RAPGEF2: variants seen among roughly 807,000 people sequenced by gnomAD.
The protein encoded by RAPGEF2 is PDZ domain containing guanine nucleotide exchange factor (GEF) 1.
In RAPGEF2, 54 loss-of-function variants were observed where a neutral mutation model predicts 186.7. The observed-to-expected ratio is 0.29, with a 90% CI of 0.23 to 0.36. The LOEUF is 0.36. Ranked by LOEUF, RAPGEF2 falls within the 10% of genes least tolerant of loss-of-function variation. RAPGEF2 has a pLI of 1.00. For synonymous variants in RAPGEF2, 712 were observed against 705.9 expected, an observed-to-expected ratio of 1.01 and a Z score of -0.14; for missense variants, 1,532 against 2,045.0, an observed-to-expected ratio of 0.75 and a Z score of 4.84.
intron 24 of RAPGEF2, 64 bp downstream of exon 24, chr4:159,345,393 G>C: frequency 8.2e-6 from 12 of 1,468,604 alleles, no homozygotes; most frequent in Non-Finnish European, 1.1e-5. Context: ...CCTGTGCAGT[G>C]GTATGGGCAG....
chr4:159,124,934 T>TA (rs530509861), intron 1 of RAPGEF2, among the ~76,000 whole-genome samples: 68 of 152,362 alleles, frequency 4.5e-4, no homozygotes, highest in African/African-American at 1.4e-3. Flanking sequence ...TTCCAGATCA[T>TA]ACACTTTTGC....
chr4:159,165,060 A>ATT (rs201053406), intron 1 of RAPGEF2, among the ~76,000 whole-genome samples: 2 of 150,562 alleles, frequency 1.3e-5, no homozygotes, highest in Admixed American at 6.6e-5. Context: ...TTCTTAAAGA[A>ATT]TTTTTTTTTT....
intron 5 of RAPGEF2, among the ~76,000 whole-genome samples, chr4:159,240,803 CA>C: frequency 6.8e-6 from 1 of 146,008 alleles, no homozygotes; most frequent in East Asian, 2.0e-4. Flanking sequence ...AGATTTCCAT[CA>C]GGGTTTTTTT....
At chr4:159,320,543 A>T (rs557168024) in intron 9 of RAPGEF2, among the ~76,000 whole-genome samples, 68 of 152,118 alleles carry the variant, frequency 4.5e-4, no homozygotes, top group Middle Eastern at 3.2e-3. Flanking sequence ...ACACTGTCCT[A>T]TTGGACAGAA....
intron 7 of RAPGEF2, among the ~76,000 whole-genome samples, chr4:159,244,108 GA>G (rs1181521961): frequency 1.3e-5 from 2 of 151,890 alleles, no homozygotes; most frequent in Non-Finnish European, 2.9e-5. Context: ...AAAAAATGAA[GA>G]GAGAAAGGCA....
intron 1 of RAPGEF2, among the ~76,000 whole-genome samples, chr4:159,154,659 G>T (rs1050110183): frequency 2.0e-5 from 3 of 152,178 alleles, no homozygotes; most frequent in Admixed American, 6.5e-5. Context: ...TCTGCTTCTG[G>T]GGATAGGTAG....
chr4:159,166,836 T>C lies in RAPGEF2; in HGVS notation c.70-19806T>C, dbSNP rs940779418. Among the ~76,000 whole-genome samples the C allele has an allele frequency of 3.3e-5, 5 of 152,150 alleles. No homozygotes were observed. The South Asian group carries it at 1.0e-3, about 32-fold the overall frequency. ...GGGTCCAAAAAGGTTTCTCTGAGGATATGAGTTGAGTTGCCCATCAGGATG... is the reference window on the plus strand; with the variant it reads ...GGGTCCAAAAAGGTTTCTCTGAGGACATGAGTTGAGTTGCCCATCAGGATG... On this transcript the variant is annotated intron_variant, in intron 1 of 29. Coordinates refer to ENST00000691494, the MANE Select transcript of RAPGEF2 (RefSeq NM_001394067.2).
chr4:159,261,124 C>A (rs1312518451), intron 7 of RAPGEF2, among the ~76,000 whole-genome samples: 1 of 150,654 alleles, frequency 6.6e-6, no homozygotes, highest in African/African-American at 2.4e-5. Flanking sequence ...TGCAGTGGTG[C>A]AATCTTGGCT....
chr4:159,284,798 A>G (rs910742450), intron 7 of RAPGEF2, among the ~76,000 whole-genome samples: 1 of 152,208 alleles, frequency 6.6e-6, no homozygotes, highest in Non-Finnish European at 1.5e-5. Flanking sequence ...CACGCCTGTA[A>G]TCGCAACCCT....
chr4:159,310,965 T>C (rs994906481), intron 8 of RAPGEF2, among the ~76,000 whole-genome samples: 1 of 151,230 alleles, frequency 6.6e-6, no homozygotes, highest in Non-Finnish European at 1.5e-5. Context: ...GTGGAAAACA[T>C]TTTATTACTG....
At chr4:159,111,493 C>G (rs1226194183) in intron 1 of RAPGEF2, among the ~76,000 whole-genome samples, 2 of 152,240 alleles carry the variant, frequency 1.3e-5, no homozygotes, top group African/African-American at 4.8e-5. Context: ...TGGCACCTTT[C>G]TGTTCTTCTC....
At chr4:159,111,029 AAAC>A (rs1738433239) in intron 1 of RAPGEF2, among the ~76,000 whole-genome samples, 1 of 151,926 alleles carries the variant, frequency 6.6e-6, no homozygotes, top group South Asian at 2.1e-4. Flanking sequence ...GGAAAAAAAA[AAAC>A]CACCCTTGTT....
rs1257991071 is a variant in RAPGEF2 at position 159,200,266 on chromosome 4, G to A, written c.197+7010G>A. On this transcript the variant is annotated intron_variant, in intron 3 of 29. Coordinates refer to ENST00000691494, the MANE Select transcript of RAPGEF2 (RefSeq NM_001394067.2). ...GTGGATCGCTTGAGCCCAGGAGTTCGAGACCAGCCTGGACAAAATGGCACG... is the reference window on the plus strand; with the variant it reads ...GTGGATCGCTTGAGCCCAGGAGTTCAAGACCAGCCTGGACAAAATGGCACG... Among the ~76,000 whole-genome samples the A allele has an allele frequency of 2.0e-5, 3 of 151,960 alleles. 1 individual carries two copies. The highest frequency in any genetic ancestry group is 2.0e-4 in the Admixed American group (3 of 15,250).
At chr4:159,306,510 C>G (rs1461679633) in intron 8 of RAPGEF2, among the ~76,000 whole-genome samples, 1 of 152,106 alleles carries the variant, frequency 6.6e-6, no homozygotes, top group Non-Finnish European at 1.5e-5. Flanking sequence ...ATTCTTTTAT[C>G]AAATCTAACA....
chr4:159,347,090 TA>T, intron 25 of RAPGEF2, 92 bp downstream of exon 25: 2 of 1,215,192 alleles, frequency 1.6e-6, no homozygotes, highest in Non-Finnish European at 1.2e-6. Flanking sequence ...TAACTTTGTC[TA>T]ATATATTTGA....
intron 7 of RAPGEF2, among the ~76,000 whole-genome samples, chr4:159,301,352 G>C (rs1245721083): frequency 6.6e-6 from 1 of 152,062 alleles, no homozygotes; most frequent in Non-Finnish European, 1.5e-5. Context: ...CCCGGGGCGA[G>C]GTGACAGAGC....
At chr4:159,131,399 C>A (rs769579175) in intron 1 of RAPGEF2, among the ~76,000 whole-genome samples, 4 of 152,134 alleles carry the variant, frequency 2.6e-5, no homozygotes, top group Non-Finnish European at 5.9e-5. Context: ...CATGAGCCAC[C>A]GCGCCCAGCC....
At chr4:159,154,803 C>CG (rs1743943701) in intron 1 of RAPGEF2, among the ~76,000 whole-genome samples, 3 of 152,096 alleles carry the variant, frequency 2.0e-5, no homozygotes, top group Non-Finnish European at 2.9e-5. Context: ...GATCCCTTCC[C>CG]GTGTTACTAT....
At chr4:159,345,581 T>G (rs1238879754) in intron 24 of RAPGEF2, among the ~76,000 whole-genome samples, 1 of 152,208 alleles carries the variant, frequency 6.6e-6, no homozygotes, top group African/African-American at 2.4e-5. Context: ...TTACTTTAGT[T>G]TCACCTGGAC....
Sources: allele counts gnomAD v4.1 joint callset (sites outside exome capture counted in the v4.1 genomes callset), GRCh38; gene constraint gnomAD v4.1.1; transcripts MANE v1.5; gene names NCBI Gene and HGNC (gene_info 2026-07-23, HGNC 2026-07-21).